Variants in KCNT2 observed in about 807,000 individuals in gnomAD.
The protein encoded by KCNT2 is potassium sodium-activated channel subfamily T member 2.
KCNT2 carries 67 observed loss-of-function variants against 153.8 expected under a neutral mutation model. The ratio of observed to expected loss-of-function variants is 0.44; its 90% CI spans 0.36 to 0.53. The LOEUF (loss-of-function observed/expected upper bound fraction) is 0.53. Among genes scored for constraint, KCNT2 ranks in the 20% least tolerant of loss-of-function variants. The pLI is 0.00. For synonymous variants in KCNT2, 500 were observed against 458.8 expected, an observed-to-expected ratio of 1.09 and a Z score of -1.15; for missense variants, 975 against 1,354.8, an observed-to-expected ratio of 0.72 and a Z score of 4.40.
intron 8 of KCNT2, among the ~76,000 whole-genome samples, chr1:196,446,255 A>T (rs539151770): frequency 3.0e-4 from 45 of 151,628 alleles, no homozygotes; most frequent in African/African-American, 8.7e-4. Flanking sequence ...CATGTACAAT[A>T]AATATACTAT....
chr1:196,273,258 C>G (rs1386577925), intron 25 of KCNT2, among the ~76,000 whole-genome samples: 2 of 151,712 alleles, frequency 1.3e-5, no homozygotes, highest in Non-Finnish European at 3.0e-5. Flanking sequence ...AGAATTTAAT[C>G]TTTACAATGG....
intron 21 of KCNT2, among the ~76,000 whole-genome samples, chr1:196,305,989 C>T (rs933866249): frequency 6.6e-6 from 1 of 152,016 alleles, no homozygotes; most frequent in Non-Finnish European, 1.5e-5. Flanking sequence ...CAAATATATA[C>T]CAAAATGAGC....
intron 13 of KCNT2, among the ~76,000 whole-genome samples, chr1:196,374,484 G>A (rs1668786348): frequency 1.3e-5 from 2 of 151,560 alleles, no homozygotes; most frequent in South Asian, 4.2e-4. Flanking sequence ...TATATGTCAG[G>A]ATTTACTCAA....
chr1:196,360,545 A>G (rs530554898), intron 14 of KCNT2, among the ~76,000 whole-genome samples: 1 of 152,216 alleles, frequency 6.6e-6, no homozygotes. Flanking sequence ...ATGTCAGAAT[A>G]TGACTGTATT....
At chr1:196,511,142 CA>C (rs1265312611) in intron 1 of KCNT2, among the ~76,000 whole-genome samples, 3 of 151,546 alleles carry the variant, frequency 2.0e-5, no homozygotes, top group African/African-American at 7.3e-5. Flanking sequence ...CACACACACA[CA>C]CACACACACA....
intron 1 of KCNT2, among the ~76,000 whole-genome samples, chr1:196,573,486 A>G (rs1396246405): frequency 6.6e-6 from 1 of 152,076 alleles, no homozygotes; most frequent in Admixed American, 6.6e-5. Flanking sequence ...ACGCCAGGAG[A>G]AAATGATCTT....
chr1:196,581,849 T>C (rs1662091756), intron 1 of KCNT2, among the ~76,000 whole-genome samples: 1 of 152,102 alleles, frequency 6.6e-6, no homozygotes, highest in Non-Finnish European at 1.5e-5. Context: ...TTCTCCTATT[T>C]AAATTATAGT....
rs75106867 is a variant in KCNT2, at chr1:196,490,918, G to C, written c.176-981C>G. ...GTCACTTTTTTTGTCCTACTCTGCT[G>C]TTGTGAGTGTACTTGTGGTAACAGT... On this transcript the variant is annotated intron_variant, in intron 2 of 27. Transcript: ENST00000294725. Among the ~76,000 whole-genome samples, 239 of 152,082 alleles carry C rather than the reference G, an allele frequency of 1.6e-3. 4 individuals are homozygous for C. The East Asian group carries it at 0.043, about 27-fold the overall frequency.
chr1:196,555,610 T>C (rs1255022301), intron 1 of KCNT2, among the ~76,000 whole-genome samples: 1 of 151,332 alleles, frequency 6.6e-6, no homozygotes, highest in Non-Finnish European at 1.5e-5. Flanking sequence ...GCCATCCCAA[T>C]TAAAATACCA....
At chr1:196,566,942 T>C (rs1272530438) in intron 1 of KCNT2, among the ~76,000 whole-genome samples, 1 of 152,104 alleles carries the variant, frequency 6.6e-6, no homozygotes, top group Non-Finnish European at 1.5e-5. Flanking sequence ...ATGTTTCATA[T>C]AATACCTTGC....
intron 1 of KCNT2, among the ~76,000 whole-genome samples, chr1:196,557,050 G>A (rs1658770592): frequency 1.3e-5 from 2 of 150,884 alleles, no homozygotes; most frequent in African/African-American, 4.9e-5. Flanking sequence ...TATAGAGTTA[G>A]GAAAAATGAA....
At chr1:196,298,979 A>G (rs977435324) in intron 22 of KCNT2, among the ~76,000 whole-genome samples, 16 of 151,848 alleles carry the variant, frequency 1.1e-4, no homozygotes, top group Admixed American at 2.6e-4. Flanking sequence ...TAATTATCAC[A>G]TGATTGTATA....
chr1:196,342,256 A>C (rs747898662), intron 14 of KCNT2, 28 bp from the exon 15 acceptor site: 1 of 1,578,212 alleles, frequency 6.3e-7, no homozygotes, highest in Non-Finnish European at 8.6e-7. Context: ...ACACATACAC[A>C]CACACAAAAA....
intron 19 of KCNT2, among the ~76,000 whole-genome samples, chr1:196,324,279 G>A (rs950286328): frequency 2.0e-5 from 3 of 151,894 alleles, no homozygotes; most frequent in African/African-American, 7.2e-5. Context: ...ATATATTCTT[G>A]TTTTCAAAAA....
At chr1:196,314,292 A>C (rs1662486507) in intron 21 of KCNT2, among the ~76,000 whole-genome samples, 1 of 151,560 alleles carries the variant, frequency 6.6e-6, no homozygotes, top group Non-Finnish European at 1.5e-5. Flanking sequence ...GCTTTTGCCA[A>C]GCATGGAATC....
Position 196,461,739 on chromosome 1 carries a change from A to T in KCNT2, c.638+3554T>A, listed in dbSNP as rs115540950. Among the ~76,000 whole-genome samples, 695 of 151,834 alleles carry T rather than the reference A, an allele frequency of 4.6e-3. 17 individuals carry two copies. The South Asian group carries it at 0.071, about 15-fold the overall frequency. On this transcript the variant is annotated intron_variant, in intron 8 of 27. Coordinates refer to ENST00000294725, the MANE Select transcript of KCNT2 (RefSeq NM_198503.5). ...AGAGGGGTACACTGCCAATATGTGGACAGATTAGTCCAATTCCATTACAAT... is the reference window on the plus strand; with the variant it reads ...AGAGGGGTACACTGCCAATATGTGGTCAGATTAGTCCAATTCCATTACAAT...
intron 1 of KCNT2, among the ~76,000 whole-genome samples, chr1:196,594,034 C>G (rs1289828104): frequency 6.6e-6 from 1 of 151,842 alleles, no homozygotes; most frequent in African/African-American, 2.4e-5. Flanking sequence ...CCATTCATCT[C>G]AATTCTGTAT....
At chr1:196,503,250 C>T (rs1391374558) in intron 1 of KCNT2, among the ~76,000 whole-genome samples, 3 of 151,756 alleles carry the variant, frequency 2.0e-5, no homozygotes, top group Non-Finnish European at 4.4e-5. Context: ...TATTTATAAA[C>T]ACACAAAAGG....
intron 25 of KCNT2, among the ~76,000 whole-genome samples, chr1:196,263,141 CTT>C (rs1164807636): frequency 6.6e-6 from 1 of 151,426 alleles, no homozygotes; most frequent in Non-Finnish European, 1.5e-5. Context: ...TGTGTGGTCT[CTT>C]AGGTATCTTT....
Sources: allele counts gnomAD v4.1 joint callset (sites outside exome capture counted in the v4.1 genomes callset), GRCh38; gene constraint gnomAD v4.1.1; transcripts MANE v1.5; gene names NCBI Gene and HGNC (gene_info 2026-07-23, HGNC 2026-07-21).